The following NVL variants were observed in gnomAD, a reference collection of about 807,000 sequenced individuals.
The protein encoded by NVL is nuclear VCP like.
NVL carries 84 observed loss-of-function variants against 110.2 expected under a neutral mutation model. That is an observed-to-expected ratio of 0.76 (90% CI 0.64 to 0.91). The LOEUF (loss-of-function observed/expected upper bound fraction) is 0.91. NVL is among the 40% of genes least tolerant of loss of function. NVL has a pLI of 0.00. For synonymous variants in NVL, 354 were observed against 361.1 expected, an observed-to-expected ratio of 0.98 and a Z score of 0.22; for missense variants, 882 against 1,035.9, an observed-to-expected ratio of 0.85 and a Z score of 2.04.
intron 17 of NVL, among the ~76,000 whole-genome samples, chr1:224,270,433 C>A (rs549593470): frequency 1.1e-4 from 16 of 152,256 alleles, no homozygotes. Context: ...TGGTGGGAAC[C>A]TGTAATCCCA....
chr1:224,323,334 G>T (rs1297389330), intron 2 of NVL, among the ~76,000 whole-genome samples: 1 of 152,124 alleles, frequency 6.6e-6, no homozygotes, highest in Non-Finnish European at 1.5e-5. Flanking sequence ...CAACAAAAAG[G>T]AAACTAGAAC....
chr1:224,234,361 A>C (rs1660228275), intron 20 of NVL, among the ~76,000 whole-genome samples: 1 of 152,172 alleles, frequency 6.6e-6, no homozygotes, highest in South Asian at 2.1e-4. Flanking sequence ...CAAGTCTTGG[A>C]AAGAAAAGAT....
intron 10 of NVL, 103 bp from the exon 11 acceptor site, chr1:224,296,721 C>T (rs1667918659): frequency 2.8e-6 from 2 of 707,398 alleles, no homozygotes; most frequent in South Asian, 4.4e-5. Flanking sequence ...GGTCAAGGAT[C>T]ATTTGCCAAA....
At position 224,296,610 on chromosome 1, in the gene NVL, T is replaced by G. The variant is rs963680999; in HGVS notation, c.1071A>C (p.Ala357=). Residue 357 remains alanine (A), a synonymous_variant, in exon 11 of 23, where the codon GCA becomes GCC. Transcript: ENST00000281701. ...RELFEQAVSN[A]PCIIFIDEID... ...TTTCATCAATGAAAATGATACATGG[T>G]GCATTTGACTAGAAATAAAAATATC... The G allele has an allele frequency of 6.4e-7, 1 of 1,571,100 alleles. No homozygotes were observed. Among genetic ancestry groups the G allele is most frequent in the Non-Finnish European group, 8.7e-7 (1 of 1,153,762 alleles).
At chr1:224,307,185 T>C (rs1669009575) in intron 6 of NVL, among the ~76,000 whole-genome samples, 1 of 152,210 alleles carries the variant, frequency 6.6e-6, no homozygotes, top group Admixed American at 6.5e-5. Context: ...ATGTACACTT[T>C]AAGTTAATAG....
At chr1:224,273,063 A>AAAC (rs1403088270) in intron 17 of NVL, among the ~76,000 whole-genome samples, 12 of 148,286 alleles carry the variant, frequency 8.1e-5, no homozygotes, top group African/African-American at 3.1e-4. Flanking sequence ...AAACAAACAA[A>AAAC]AAAAAACACA....
rs1477888687 is a variant in NVL at position 224,227,521 on chromosome 1, CAT to C, written c.*103_*104del. On this transcript the variant is annotated 3_prime_UTR_variant, in exon 23 of 23. Transcript: ENST00000281701. ...CATTCATTTGAAAATAAAATGTTTACATGAGGCCGCGCCTGTGTCCAGCTGAA... is the reference window on the plus strand; with the variant it reads ...CATTCATTTGAAAATAAAATGTTTACGAGGCCGCGCCTGTGTCCAGCTGAA... 99 of 872,322 alleles carry C rather than the reference CAT, an allele frequency of 1.1e-4. 2 individuals are homozygous for C. In the East Asian group the frequency reaches 2.7e-3, roughly 24 times the overall value. 54.0% of individuals were successfully genotyped at this position (872,322 alleles called of 1,614,324 possible).
intron 19 of NVL, among the ~76,000 whole-genome samples, chr1:224,240,754 C>T (rs1661093218): frequency 6.6e-6 from 1 of 150,918 alleles, no homozygotes; most frequent in African/African-American, 2.4e-5. Flanking sequence ...TTTCAAGTAC[C>T]CTCACTTGAA....
rs142097746 is a variant in NVL at position 224,296,145 on chromosome 1, C to G, written c.1180+356G>C. On this transcript the variant is annotated intron_variant, in intron 11 of 22. Coordinates refer to ENST00000281701, the MANE Select transcript of NVL (RefSeq NM_002533.4). ...CACTCTATCTCATCAATCAATCAAT[C>G]AGTCCATCAATCAGAAGAAGAAGCA... Among the ~76,000 whole-genome samples the G allele has an allele frequency of 3.2e-3, 491 of 152,002 alleles. 1 individual carries two copies. The highest frequency in any genetic ancestry group is 7.2e-3 in the Admixed American group (110 of 15,252).
chr1:224,227,756 T>C (rs1371021273), intron 22 of NVL, 86 bp from the exon 23 acceptor site: 32 of 1,246,148 alleles, frequency 2.6e-5, no homozygotes, highest in Non-Finnish European at 3.6e-5. Flanking sequence ...CATGCTGCAG[T>C]CCGCACCCGC....
Position 224,304,756 on chromosome 1 carries a change from C to T in NVL, c.805G>A (p.Gly269Ser), listed in dbSNP as rs769757437. ...CTAACTTTTAATGTCATATCATTGC[C>T]TCCCACATCTTCAAACTTCACGTTG... ...ISNVKFEDVG[G>S]NDMTLKEVCK... Residue 269 changes from glycine (G) to serine (S), a missense_variant, in exon 8 of 23, where the codon GGC becomes AGC. Physicochemically the swap from Gly to Ser is moderately conservative, Grantham distance 56. This residue lies in a region of NVL where 416 missense variants were observed against 499.3 expected (regional missense o/e 0.83). Coordinates refer to ENST00000281701, the MANE Select transcript of NVL (RefSeq NM_002533.4). 1 of 1,613,952 alleles carries T rather than the reference C, an allele frequency of 6.2e-7. No homozygotes were observed. Among genetic ancestry groups the T allele is most frequent in the South Asian group, 1.1e-5 (1 of 91,072 alleles).
intron 4 of NVL, chr1:224,312,806 A>G (rs1187251927): frequency 6.7e-6 from 1 of 149,176 alleles, no homozygotes; most frequent in East Asian, 2.0e-4. Flanking sequence ...GGCCCACAGT[A>G]CGAGACTCTG....
chr1:224,240,440 T>C (rs1421209196), intron 19 of NVL, among the ~76,000 whole-genome samples: 7 of 152,060 alleles, frequency 4.6e-5, no homozygotes, highest in Admixed American at 1.3e-4. Flanking sequence ...CTCAAACTCC[T>C]GACCTTGTGA....
chr1:224,289,959 G>C (rs568374374), intron 12 of NVL, among the ~76,000 whole-genome samples: 1 of 152,188 alleles, frequency 6.6e-6, no homozygotes, highest in Non-Finnish European at 1.5e-5. Context: ...AACATGCTAA[G>C]TGCTGTGACG....
intron 20 of NVL, among the ~76,000 whole-genome samples, chr1:224,234,478 A>G (rs1660249978): frequency 6.6e-6 from 1 of 150,878 alleles, no homozygotes; most frequent in African/African-American, 2.4e-5. Context: ...TTTGAGATGG[A>G]GTCTTGCTCT....
intron 18 of NVL, 49 bp from the exon 19 acceptor site, chr1:224,250,367 A>T: frequency 7.0e-7 from 1 of 1,427,584 alleles, no homozygotes; most frequent in South Asian, 1.5e-5. Flanking sequence ...TTTTATTTTT[A>T]TTTTTTTATT....
intron 15 of NVL, among the ~76,000 whole-genome samples, chr1:224,282,230 T>C (rs1666432566): frequency 6.6e-6 from 1 of 152,054 alleles, no homozygotes; most frequent in Admixed American, 6.6e-5. Context: ...CACGCTCAGC[T>C]AATTTTTGTA....
At chr1:224,257,807 T>C (rs1447672854) in intron 18 of NVL, among the ~76,000 whole-genome samples, 3 of 152,182 alleles carry the variant, frequency 2.0e-5, no homozygotes, top group African/African-American at 7.2e-5. Flanking sequence ...CCCAAAGTGC[T>C]GGGATTACAG....
Position 224,268,092 on chromosome 1 carries a change from C to A in NVL, c.2124G>T (p.Glu708Asp), listed in dbSNP as rs767454090. The change falls in exon 18 of 23, where the codon GAG becomes GAT. Residue 708 changes from glutamate to aspartate, a missense_variant. Glu to Asp is a conservative substitution (Grantham distance 45). Transcript: ENST00000281701. ...SVRVVNQLLT[E>D]MDGLEARQQV... ...GCTGGCGTGCTTCCAGACCATCCAT[C>A]TCTGTAAGTAGCTGATTCACCACTC... 1 of 1,614,078 alleles carries A rather than the reference C, an allele frequency of 6.2e-7. No individual in the cohort carries two copies. Among genetic ancestry groups the A allele is most frequent in the South Asian group, 1.1e-5 (1 of 91,068 alleles).
Sources: allele counts gnomAD v4.1 joint callset (sites outside exome capture counted in the v4.1 genomes callset), GRCh38; gene constraint gnomAD v4.1.1; regional missense constraint gnomAD v4.1.1; transcripts MANE v1.5; gene names NCBI Gene and HGNC (gene_info 2026-07-23, HGNC 2026-07-21).